OSTC: variants seen among roughly 807,000 people sequenced by gnomAD.
The protein encoded by OSTC is oligosaccharyltransferase complex non-catalytic subunit.
OSTC carries 16 observed loss-of-function variants against 16.4 expected under a neutral mutation model. The ratio of observed to expected loss-of-function variants is 0.98; its 90% CI spans 0.66 to 1.49. OSTC has a LOEUF of 1.49. Among genes scored for constraint, OSTC ranks in the 40% most tolerant of loss-of-function variants. OSTC has a pLI of 0.00. For synonymous variants in OSTC, 67 were observed against 68.5 expected (o/e 0.98, Z 0.11); for missense variants, 139 against 186.3 (o/e 0.75, Z 1.48).
At chr4:108,660,807 G>A (rs746014050) in intron 3 of OSTC, among the ~76,000 whole-genome samples, 5 of 152,138 alleles carry the variant, frequency 3.3e-5, no homozygotes, top group African/African-American at 4.8e-5. Context: ...AGTATTACTG[G>A]TTCTGTTTTC....
chr4:108,661,691 A>G (rs1458836090), intron 3 of OSTC, among the ~76,000 whole-genome samples: 1 of 152,062 alleles, frequency 6.6e-6, no homozygotes, highest in Non-Finnish European at 1.5e-5. Flanking sequence ...TCCGCCTCCC[A>G]GGTTCAAGCC....
rs948378076 is a variant in OSTC at position 108,650,671 on chromosome 4, C to G, written c.16C>G (p.Arg6Gly). ...TGCCACCAACATGGAGACTTTGTAC[C>G]GTGTCCCGTTCTTAGTGCTCGAATG... is the stretch of plus-strand genomic sequence containing the variant. METLYRVPFLVLECPN... is the reference protein window; with the variant it reads METLYGVPFLVLECPN... Residue 6 changes from arginine (R) to glycine (G), a missense_variant, in exon 1 of 4, where the codon CGT becomes GGT. Transcript: ENST00000361564. 1.2e-6 allele frequency: 2 copies of G among 1,614,116 alleles called. No homozygotes were observed. The highest frequency in any genetic ancestry group is 1.7e-5 in the Admixed American group (1 of 60,022).
At chr4:108,654,098 T>C (rs1414726234) in intron 1 of OSTC, among the ~76,000 whole-genome samples, 3 of 152,122 alleles carry the variant, frequency 2.0e-5, no homozygotes, top group Non-Finnish European at 2.9e-5. Flanking sequence ...AAGAAATTGG[T>C]TTAGTAAACT....
At chr4:108,659,737 C>A (rs969358980) in intron 3 of OSTC, among the ~76,000 whole-genome samples, 5 of 151,952 alleles carry the variant, frequency 3.3e-5, no homozygotes, top group Non-Finnish European at 7.4e-5. Flanking sequence ...CCACTGCACT[C>A]CAGCCTGGGC....
intron 1 of OSTC, among the ~76,000 whole-genome samples, chr4:108,652,902 G>T (rs1726593854): frequency 6.6e-6 from 1 of 152,082 alleles, no homozygotes; most frequent in African/African-American, 2.4e-5. Context: ...AACCAGGCGT[G>T]GTGGTACACG....
chr4:108,651,360 C>T (rs1330078036), intron 1 of OSTC: 2 of 152,458 alleles, frequency 1.3e-5, no homozygotes, highest in Non-Finnish European at 2.9e-5. Context: ...ATGGAATTTT[C>T]TGAAATCACA....
chr4:108,652,880 A>G (rs1726593226), intron 1 of OSTC, among the ~76,000 whole-genome samples: 1 of 152,094 alleles, frequency 6.6e-6, no homozygotes, highest in Non-Finnish European at 1.5e-5. Flanking sequence ...TCTACTGAAA[A>G]TACAAAAAAT....
At chr4:108,658,538 C>A (rs1726771167) in intron 3 of OSTC, among the ~76,000 whole-genome samples, 1 of 151,914 alleles carries the variant, frequency 6.6e-6, no homozygotes, top group Non-Finnish European at 1.5e-5. Context: ...TTTATGGCAT[C>A]TTTCATAATT....
At chr4:108,653,993 C>T (rs979474397) in intron 1 of OSTC, among the ~76,000 whole-genome samples, 4 of 152,114 alleles carry the variant, frequency 2.6e-5, no homozygotes, top group Non-Finnish European at 4.4e-5. Flanking sequence ...GGGCCTCCAA[C>T]ATTTAGTTCT....
At chr4:108,664,890 C>A (rs1726955550) in intron 3 of OSTC, among the ~76,000 whole-genome samples, 1 of 152,106 alleles carries the variant, frequency 6.6e-6, no homozygotes, top group Admixed American at 6.6e-5. Context: ...CTGTGCCCAG[C>A]CAAACCTTTT....
rs563885971 is a variant in OSTC at position 108,659,247 on chromosome 4, T to A, written c.431+1600T>A. Among the ~76,000 whole-genome samples, 3 of 152,096 alleles carry A rather than the reference T, an allele frequency of 2.0e-5. No individual in the cohort carries two copies. The East Asian group carries it at 5.8e-4, about 30-fold the overall frequency. ...GACCCGCCTCAGCCTCCCAAAGTGC[T>A]GGGATTATAGGTGTGAGCCACTGTG... On this transcript the variant is annotated intron_variant, in intron 3 of 3. Coordinates refer to ENST00000361564, the MANE Select transcript of OSTC (RefSeq NM_021227.4).
intron 1 of OSTC, chr4:108,651,472 A>G (rs893848785): frequency 2.0e-5 from 3 of 152,370 alleles, no homozygotes; most frequent in South Asian, 4.1e-4. Context: ...TAGCATTACT[A>G]TTAAACGCTT....
At chr4:108,663,109 A>G (rs1726898909) in intron 3 of OSTC, 7 of 427,090 alleles carry the variant, frequency 1.6e-5, no homozygotes, top group South Asian at 1.0e-4. Context: ...GTAAGTGTTA[A>G]TCAATGTCAG....
rs1020630646 is a variant in OSTC at position 108,660,713 on chromosome 4, C to T, written c.431+3066C>T. ...TGTATCATAAGATGCACCATGATAACCTCCAGGGTGGAATTCTTTTTTACA... is the reference window on the plus strand; with the variant it reads ...TGTATCATAAGATGCACCATGATAATCTCCAGGGTGGAATTCTTTTTTACA... On this transcript the variant is annotated intron_variant, in intron 3 of 3. Transcript: ENST00000361564. Among the ~76,000 whole-genome samples, 4 of 152,140 alleles carry T rather than the reference C, an allele frequency of 2.6e-5. No individual in the cohort carries two copies. The East Asian group carries it at 7.7e-4, about 29-fold the overall frequency.
At chr4:108,653,051 C>A (rs1726598495) in intron 1 of OSTC, among the ~76,000 whole-genome samples, 1 of 151,762 alleles carries the variant, frequency 6.6e-6, no homozygotes, top group African/African-American at 2.4e-5. Context: ...AAACAAAAAA[C>A]AAACCCCAAA....
chr4:108,650,878 G>GC (rs1350247711), intron 1 of OSTC, 84 bp downstream of exon 1: 1 of 1,587,380 alleles, frequency 6.3e-7, no homozygotes, highest in Admixed American at 1.7e-5. Context: ...CTGACTCTCA[G>GC]CCCCGGGGGA....
Sources: gnomAD v4.1 joint callset for allele counts (sites outside exome capture counted in the v4.1 genomes callset) on GRCh38, gnomAD v4.1.1 for gene constraint, MANE v1.5 for transcripts, NCBI Gene and HGNC (gene_info 2026-07-23, HGNC 2026-07-21) for gene names.